ATP11A: variants seen among roughly 807,000 people sequenced by gnomAD.
The protein encoded by ATP11A is ATPase phospholipid transporting 11A.
A neutral mutation model predicts 154.4 loss-of-function variants in ATP11A; 81 were observed. The observed-to-expected ratio is 0.52, with a 90% CI of 0.44 to 0.63. The LOEUF is 0.63. ATP11A is among the 30% of genes least tolerant of loss of function. The probability of loss-of-function intolerance (pLI) is 0.00; values close to 1 mark genes in which losing one functional copy is unlikely to be tolerated. For synonymous variants in ATP11A, 623 were observed against 585.9 expected, an observed-to-expected ratio of 1.06 and a Z score of -0.91; for missense variants, 1,316 against 1,474.3, an observed-to-expected ratio of 0.89 and a Z score of 1.76.
chr13:112,871,628 G>A, intron 25 of ATP11A, 107 bp from the exon 26 acceptor site: 1 of 1,041,080 alleles, frequency 9.6e-7, no homozygotes, highest in Non-Finnish European at 1.5e-6. Flanking sequence ...GGGGTTTGAA[G>A]TGTTGGCACA....
chr13:112,816,170 C>A lies in ATP11A; in HGVS notation c.529C>A (p.His177Asn). ...CAGCAACCGGGGAGATGGGACGTGC[C>A]ACGTCACCACCGCCAGCTTGGATGG... ...LSSNRGDGTC[H>N]VTTASLDGES... Residue 177 changes from histidine (H) to asparagine (N), a missense_variant, in exon 6 of 30, where the codon CAC (histidine) becomes AAC (asparagine). By Grantham distance (68) the His-to-Asn change is moderately conservative. Transcript: ENST00000375645. 1 of 1,614,098 alleles carries A rather than the reference C, an allele frequency of 6.2e-7. No homozygotes were observed. Among genetic ancestry groups the A allele is most frequent in the South Asian group, 1.1e-5 (1 of 91,064 alleles).
chr13:112,863,718 GTCC>G (rs1479431048), intron 25 of ATP11A, among the ~76,000 whole-genome samples: 49 of 107,658 alleles, frequency 4.6e-4, no homozygotes, highest in African/African-American at 5.1e-4. Flanking sequence ...TCCCAGCGGG[GTCC>G]ATCACCACCT....
intron 1 of ATP11A, among the ~76,000 whole-genome samples, chr13:112,713,951 T>TGCCATGCCTCCTTTCCACTCCC (rs1888084375): frequency 1.3e-5 from 1 of 77,344 alleles, no homozygotes; most frequent in Admixed American, 1.5e-4. Context: ...CCACCCCAGA[T>TGCCATGCCTCCTTTCCACTCCC]CCCACGCCTC....
chr13:112,885,314 G>A lies in ATP11A; in HGVS notation c.*3448G>A, dbSNP rs2140463224. 6.6e-6 allele frequency: 1 copy of A among 152,206 alleles called. No individual in the cohort carries two copies. The highest frequency in any genetic ancestry group is 1.9e-4 in the East Asian group (1 of 5,180). 9.4% of individuals were successfully genotyped at this position (152,206 alleles called of 1,614,324 possible). ...CTCACACACGTGTATGCACAGCAGA[G>A]AGACGTATGAGCTTCTACTGCACAC... On this transcript the variant is annotated 3_prime_UTR_variant, in exon 30 of 30. Coordinates refer to ENST00000375645, the MANE Select transcript of ATP11A (RefSeq NM_015205.3).
intron 10 of ATP11A, among the ~76,000 whole-genome samples, 164 bp from the exon 11 acceptor site, chr13:112,825,266 T>C (rs1406643307): frequency 3.3e-5 from 5 of 152,210 alleles, no homozygotes; most frequent in Admixed American, 2.6e-4. Context: ...GACCATGGCA[T>C]GGACGCAAGT....
chr13:112,839,243 A>G (rs969013264), intron 16 of ATP11A, among the ~76,000 whole-genome samples: 1 of 152,162 alleles, frequency 6.6e-6, no homozygotes, highest in Admixed American at 6.5e-5. Flanking sequence ...TGTACGCAGT[A>G]CACAGAAGAC....
chr13:112,690,982 A>T lies in ATP11A; in HGVS notation c.39+527A>T, dbSNP rs1338924894. The stretch of plus-strand genomic sequence containing the variant: ...TGGGGGATTCAGAAGCGGAGTTTGG[A>T]ATCTTTTTATTTTTTACCTTAAAGT... On this transcript the variant is annotated intron_variant, in intron 1 of 29. Transcript: ENST00000375645. This position sits in a 1 kb window ranked among gnomAD's most constrained non-coding sequence, Gnocchi z 5.6. Among the ~76,000 whole-genome samples, 1 of 152,144 alleles carries T rather than the reference A, an allele frequency of 6.6e-6. No homozygotes were observed. Among genetic ancestry groups the T allele is most frequent in the African/African-American group, 2.4e-5 (1 of 41,440 alleles).
At chr13:112,867,193 C>G (rs2080362804) in intron 25 of ATP11A, among the ~76,000 whole-genome samples, 1 of 152,188 alleles carries the variant, frequency 6.6e-6, no homozygotes, top group African/African-American at 2.4e-5. Flanking sequence ...CACCCTGGTT[C>G]ACTACAACCA....
chr13:112,850,901 C>A (rs1044650761), intron 17 of ATP11A, 136 bp from the exon 18 acceptor site: 1 of 733,886 alleles, frequency 1.4e-6, no homozygotes, highest in African/African-American at 1.7e-5. Flanking sequence ...TTACTTAGTA[C>A]TGTAAGTTTT....
At chr13:112,804,481 C>T (rs1467637508) in intron 2 of ATP11A, among the ~76,000 whole-genome samples, 1 of 90,410 alleles carries the variant, frequency 1.1e-5, no homozygotes, top group East Asian at 3.1e-4. Context: ...CCCTCCTTTT[C>T]CTGTCCTTCC....
intron 1 of ATP11A, among the ~76,000 whole-genome samples, chr13:112,742,449 G>A (rs749553093): frequency 6.6e-6 from 1 of 152,210 alleles, no homozygotes; most frequent in South Asian, 2.1e-4. Context: ...CACAGGTCGT[G>A]TGTGGGGGGA....
chr13:112,813,212 C>T (rs1204945171), intron 5 of ATP11A, among the ~76,000 whole-genome samples: 1 of 152,116 alleles, frequency 6.6e-6, no homozygotes, highest in African/African-American at 2.4e-5. Flanking sequence ...ATTAGTTTTT[C>T]TTTTTTAATT....
At chr13:112,876,415 G>A (rs1316475656) in intron 28 of ATP11A, among the ~76,000 whole-genome samples, 1 of 151,952 alleles carries the variant, frequency 6.6e-6, no homozygotes, top group Non-Finnish European at 1.5e-5. Flanking sequence ...GATGCCGAGT[G>A]TCCCCCCAGG....
Position 112,831,570 on chromosome 13 carries a change from G to T in ATP11A, c.1395+22G>T, listed in dbSNP as rs201401338. On this transcript the variant is annotated intron_variant, in intron 13 of 29. Coordinates refer to ENST00000375645, the MANE Select transcript of ATP11A (RefSeq NM_015205.3). The stretch of plus-strand genomic sequence containing the variant: ...GAGGGTAGGTGGCAGCCCCCACGCC[G>T]TCCAAGTGTGTGAGTGAGTGGGCGG... 5 of 1,606,530 alleles carry T rather than the reference G, an allele frequency of 3.1e-6. No homozygotes were observed. In the South Asian group the frequency reaches 3.3e-5, roughly 11 times the overall value.
At position 112,804,938 on chromosome 13, in the gene ATP11A, TTG is replaced by T. The variant is rs770941513; in HGVS notation, c.163-17_163-16del. The T allele has an allele frequency of 2.0e-6, 3 of 1,514,010 alleles. No homozygotes were observed. The African/African-American group carries it at 4.1e-5, about 21-fold the overall frequency. The allele number at this position is 1,514,010 out of a possible 1,614,324, so 93.8% of individuals were successfully genotyped here. A position where few individuals can be genotyped will look rare whatever the true frequency, so the allele number is the denominator to read the frequency against. On this transcript the variant is annotated splice_polypyrimidine_tract_variant and intron_variant, in intron 2 of 29. Transcript: ENST00000375645. ...AAAATCTGATCTCAATGATGGATGT[TTG>T]TTTTTCTTTTATGCAGTACACATTT...
chr13:112,701,534 A>G (rs1009789885), intron 1 of ATP11A, among the ~76,000 whole-genome samples: 1 of 152,174 alleles, frequency 6.6e-6, no homozygotes, highest in African/African-American at 2.4e-5. Context: ...TCTTTCCTAT[A>G]AAAAATTATC....
At chr13:112,834,388 T>C (rs1251869654) in intron 14 of ATP11A, among the ~76,000 whole-genome samples, 1 of 152,248 alleles carries the variant, frequency 6.6e-6, no homozygotes, top group African/African-American at 2.4e-5. Context: ...AGAAATTCTC[T>C]TGCTCTTGGA....
intron 1 of ATP11A, among the ~76,000 whole-genome samples, chr13:112,738,990 G>A (rs1464756258): frequency 6.6e-6 from 1 of 152,172 alleles, no homozygotes; most frequent in Non-Finnish European, 1.5e-5. Flanking sequence ...GTATACTGCA[G>A]ATACTTAGGA....
rs2080529277 is a variant in ATP11A at position 112,871,799 on chromosome 13, A to C, written c.3056A>C (p.Lys1019Thr). Reference sequence around the variant, plus strand: ...GTGATGGTGTTCACAGTTACACTAAAGGTAAGTGGTCTCGCGCTCACGTTC... The same window carrying C: ...GTGATGGTGTTCACAGTTACACTAACGGTAAGTGGTCTCGCGCTCACGTTC... ...FTVMVFTVTL[K>T]LALDTHYWTW... Residue 1019 changes from lysine (K) to threonine (T), a missense_variant and splice_region_variant, in exon 26 of 30, where the codon AAG becomes ACG. Physicochemically the swap from Lys to Thr is moderately conservative, Grantham distance 78. Coordinates refer to ENST00000375645, the MANE Select transcript of ATP11A (RefSeq NM_015205.3). 1.2e-6 allele frequency: 2 copies of C among 1,614,050 alleles called. No individual in the cohort carries two copies. The highest frequency in any genetic ancestry group is 1.3e-5 in the African/African-American group (1 of 75,056).
Sources: gnomAD v4.1 joint callset for allele counts (sites outside exome capture counted in the v4.1 genomes callset) on GRCh38, gnomAD v4.1.1 for gene constraint, Gnocchi (gnomAD v3.1) non-coding constraint, MANE v1.5 for transcripts, NCBI Gene and HGNC (gene_info 2026-07-23, HGNC 2026-07-21) for gene names.